LGSN: variants seen among roughly 807,000 people sequenced by gnomAD.
The protein encoded by LGSN is lengsin, lens protein with glutamine synthetase domain.
A neutral mutation model predicts 19.5 loss-of-function variants in LGSN; 21 were observed. That is an observed-to-expected ratio of 1.07 (90% CI 0.76 to 1.55). The LOEUF (loss-of-function observed/expected upper bound fraction) is 1.55, where lower values mean the gene tolerates loss of function less well. LGSN is among the 40% of genes most tolerant of loss of function. LGSN has a pLI of 0.00. For missense variants in LGSN, 673 were observed against 608.5 expected, an observed-to-expected ratio of 1.11 and a Z score of -1.12; for synonymous variants, 257 against 215.6, an observed-to-expected ratio of 1.19 and a Z score of -1.68.
chr6:63,386,947 A>T, the LGSN span, among the ~76,000 whole-genome samples: 338 of 152,220 alleles, frequency 2.2e-3, 1 homozygote, highest in Non-Finnish European at 2.9e-3. Context: ...TTAAAAATAC[A>T]AAAATCAGCC....
At chr6:63,378,514 T>G in the LGSN span, among the ~76,000 whole-genome samples, 4 of 152,288 alleles carry the variant, frequency 2.6e-5, no homozygotes, top group Non-Finnish European at 5.9e-5. Flanking sequence ...GCTGAGTAAT[T>G]TATAAAGAAA....
At chr6:63,357,860 G>A in the LGSN span, among the ~76,000 whole-genome samples, 8 of 151,956 alleles carry the variant, frequency 5.3e-5, no homozygotes, top group African/African-American at 1.9e-4. Flanking sequence ...GTTAATTTTG[G>A]CTTTTGTTGC....
chr6:63,553,604 G>T, the LGSN span, among the ~76,000 whole-genome samples: 1 of 152,192 alleles, frequency 6.6e-6, no homozygotes, highest in Non-Finnish European at 1.5e-5. Context: ...AGATCTTGAT[G>T]TTCTAACTAA....
chr6:63,356,650 T>C, the LGSN span, among the ~76,000 whole-genome samples: 63 of 152,228 alleles, frequency 4.1e-4, no homozygotes, highest in African/African-American at 1.3e-3. Flanking sequence ...ATGTGACATT[T>C]GGATAGAGAA....
chr6:63,453,536 CT>C, the LGSN span, among the ~76,000 whole-genome samples: 5 of 151,600 alleles, frequency 3.3e-5, no homozygotes, highest in South Asian at 4.2e-4. Context: ...TTCATTACCC[CT>C]GGTAATATTT....
chr6:63,390,700 C>CA, the LGSN span, among the ~76,000 whole-genome samples: 431 of 148,924 alleles, frequency 2.9e-3, 1 homozygote, highest in Admixed American at 5.7e-3. Context: ...ACTAAAAATA[C>CA]AAAAAAAAAG....
chr6:63,443,202 T>C, the LGSN span, among the ~76,000 whole-genome samples: 1 of 152,192 alleles, frequency 6.6e-6, no homozygotes, highest in African/African-American at 2.4e-5. Flanking sequence ...AAGCCCCTCA[T>C]TGCCCAGCGC....
chr6:63,561,214 T>G, the LGSN span, among the ~76,000 whole-genome samples: 22 of 152,330 alleles, frequency 1.4e-4, no homozygotes, highest in African/African-American at 4.8e-4. Context: ...GAATTCCAGC[T>G]GCATCACATA....
chr6:63,517,780 A>G, the LGSN span, among the ~76,000 whole-genome samples: 1 of 152,206 alleles, frequency 6.6e-6, no homozygotes, highest in Non-Finnish European at 1.5e-5. Context: ...GCTTCCAAAC[A>G]CAGACTATGT....
At chr6:63,390,118 C>CTTTTTTTTTTTTT in the LGSN span, among the ~76,000 whole-genome samples, 244 of 66,334 alleles carry the variant, frequency 3.7e-3, 4 homozygotes, top group African/African-American at 4.9e-3. Flanking sequence ...TTCTTTCTTT[C>CTTTTTTTTTTTTT]TTTTTTTTTT....
At chr6:63,410,474 C>A in the LGSN span, among the ~76,000 whole-genome samples, 1 of 152,130 alleles carries the variant, frequency 6.6e-6, no homozygotes, top group East Asian at 1.9e-4. Flanking sequence ...GCAGCAGAAA[C>A]TTTTTTCAAA....
the LGSN span, among the ~76,000 whole-genome samples, chr6:63,370,941 T>C: frequency 1.3e-5 from 2 of 152,218 alleles, no homozygotes; most frequent in Non-Finnish European, 2.9e-5. Flanking sequence ...GCAAATTACA[T>C]AGCTGGCCCT....
the LGSN span, among the ~76,000 whole-genome samples, chr6:63,419,504 A>G: frequency 1.3e-5 from 2 of 152,208 alleles, no homozygotes; most frequent in South Asian, 4.2e-4. Context: ...GCTTTTATGT[A>G]TATCTGCATT....
chr6:63,481,536 C>A, the LGSN span, among the ~76,000 whole-genome samples: 5 of 150,966 alleles, frequency 3.3e-5, no homozygotes, highest in East Asian at 9.8e-4. Flanking sequence ...TTAGTAGAGA[C>A]GGGGTTTCAC....
the LGSN span, among the ~76,000 whole-genome samples, chr6:63,486,124 G>A: frequency 3.9e-5 from 6 of 152,212 alleles, no homozygotes; most frequent in African/African-American, 1.4e-4. Context: ...AAGATAGCAG[G>A]AAGGCAATTA....
At chr6:63,351,319 A>G in the LGSN span, among the ~76,000 whole-genome samples, 1 of 152,126 alleles carries the variant, frequency 6.6e-6, no homozygotes, top group Non-Finnish European at 1.5e-5. Context: ...AGCAGCCTGA[A>G]AAGATTAAGA....
chr6:63,472,798 G>A, the LGSN span, among the ~76,000 whole-genome samples: 785 of 152,038 alleles, frequency 5.2e-3, 2 homozygotes, highest in Non-Finnish European at 7.7e-3. Flanking sequence ...AAAATTAGCC[G>A]GGCGTGGTGG....
the LGSN span, among the ~76,000 whole-genome samples, chr6:63,360,883 C>A: frequency 6.6e-6 from 1 of 152,120 alleles, no homozygotes; most frequent in African/African-American, 2.4e-5. Flanking sequence ...CAGTCAGCAC[C>A]CTCAGCTGCA....
the LGSN span, among the ~76,000 whole-genome samples, chr6:63,407,379 G>A: frequency 4.4e-4 from 67 of 152,070 alleles, 1 homozygote; most frequent in South Asian, 4.4e-3. Flanking sequence ...TTCAATATAC[G>A]CAAATCAATA....
Sources: allele counts gnomAD v4.1 joint callset (sites outside exome capture counted in the v4.1 genomes callset), GRCh38; gene constraint gnomAD v4.1.1; transcripts MANE v1.5; gene names NCBI Gene and HGNC (gene_info 2026-07-23, HGNC 2026-07-21).